DLG2: variants seen among roughly 807,000 people sequenced by gnomAD.
The protein encoded by DLG2 is discs large MAGUK scaffold protein 2.
DLG2 carries 45 observed loss-of-function variants against 132.5 expected under a neutral mutation model. The observed-to-expected ratio is 0.34, with a 90% CI of 0.27 to 0.44. The LOEUF is 0.44. Ranked by LOEUF, DLG2 falls within the 20% of genes least tolerant of loss-of-function variation. The pLI is 1.00. For synonymous variants in DLG2, 424 were observed against 419.6 expected (o/e 1.01, Z -0.13); for missense variants, 1,045 against 1,196.9 (o/e 0.87, Z 1.87).
At chr11:84,558,835 C>A (rs967560265) in intron 6 of DLG2, among the ~76,000 whole-genome samples, 2 of 152,036 alleles carry the variant, frequency 1.3e-5, no homozygotes, top group African/African-American at 4.8e-5. Context: ...TGCATCTATT[C>A]AATTGAAATG....
At chr11:84,486,743 C>A (rs889215530) in intron 7 of DLG2, among the ~76,000 whole-genome samples, 1 of 152,032 alleles carries the variant, frequency 6.6e-6, no homozygotes, top group African/African-American at 2.4e-5. Flanking sequence ...AAATCAGCTA[C>A]CCCAAGACAA....
At chr11:84,560,504 T>A (rs1043050917) in intron 6 of DLG2, among the ~76,000 whole-genome samples, 21 of 152,124 alleles carry the variant, frequency 1.4e-4, no homozygotes, top group Non-Finnish European at 2.9e-4. Context: ...TGGAAAGTAA[T>A]GAATTCTCAG....
At chr11:83,821,250 A>G (rs2050695112) in intron 17 of DLG2, among the ~76,000 whole-genome samples, 1 of 152,194 alleles carries the variant, frequency 6.6e-6, no homozygotes, top group East Asian at 1.9e-4. Context: ...GAAAGAGAGA[A>G]GCAGCTCATG....
chr11:85,195,321 A>G (rs1291119407), intron 4 of DLG2, among the ~76,000 whole-genome samples: 1 of 152,172 alleles, frequency 6.6e-6, no homozygotes, highest in Non-Finnish European at 1.5e-5. Flanking sequence ...AGAAGGCAGC[A>G]TGCATGGATG....
chr11:84,030,378 T>C (rs2095658881), intron 11 of DLG2, among the ~76,000 whole-genome samples: 1 of 152,130 alleles, frequency 6.6e-6, no homozygotes, highest in Non-Finnish European at 1.5e-5. Flanking sequence ...AATTTTCCCA[T>C]ATTCAAAAGC....
intron 8 of DLG2, among the ~76,000 whole-genome samples, chr11:84,241,592 C>A (rs1467739764): frequency 6.6e-6 from 1 of 151,272 alleles, no homozygotes; most frequent in Admixed American, 6.6e-5. Context: ...CCAAGTGATT[C>A]AAAAAGAAGA....
At chr11:84,379,892 A>G (rs1163220558) in intron 7 of DLG2, among the ~76,000 whole-genome samples, 1 of 152,042 alleles carries the variant, frequency 6.6e-6, no homozygotes, top group African/African-American at 2.4e-5. Flanking sequence ...TCAAACCTAG[A>G]CTTACTATAG....
intron 6 of DLG2, among the ~76,000 whole-genome samples, chr11:84,656,555 T>C (rs1209044691): frequency 1.3e-5 from 2 of 152,176 alleles, no homozygotes; most frequent in Non-Finnish European, 2.9e-5. Flanking sequence ...AAATCTAATA[T>C]TCTGCAACTA....
intron 6 of DLG2, among the ~76,000 whole-genome samples, chr11:84,850,178 G>T (rs921343630): frequency 1.3e-5 from 2 of 152,170 alleles, no homozygotes; most frequent in Non-Finnish European, 2.9e-5. Flanking sequence ...ATGTTGCCCT[G>T]TTACTGAATT....
intron 10 of DLG2, among the ~76,000 whole-genome samples, chr11:84,080,426 A>C (rs1465010760): frequency 6.6e-6 from 1 of 152,118 alleles, no homozygotes; most frequent in East Asian, 1.9e-4. Context: ...TTGATGCTGC[A>C]CTCTGAATGC....
intron 6 of DLG2, among the ~76,000 whole-genome samples, chr11:85,068,337 A>G (rs1367073612): frequency 2.6e-5 from 4 of 152,112 alleles, no homozygotes; most frequent in Non-Finnish European, 5.9e-5. Flanking sequence ...AGGGTATTCA[A>G]TTAGGAAAAG....
intron 4 of DLG2, among the ~76,000 whole-genome samples, chr11:85,181,858 G>T (rs780242287): frequency 3.3e-5 from 5 of 151,464 alleles, no homozygotes; most frequent in Admixed American, 6.6e-5. Flanking sequence ...TGTAGCAGGA[G>T]ATCATCGTCC....
intron 14 of DLG2, among the ~76,000 whole-genome samples, chr11:83,958,313 T>C (rs1345080859): frequency 6.6e-6 from 1 of 152,170 alleles, no homozygotes; most frequent in Admixed American, 6.5e-5. Context: ...CTGGTGAATA[T>C]TAGAGTTACA....
intron 18 of DLG2, among the ~76,000 whole-genome samples, chr11:83,668,704 CACATATATATGTGTATATAA>C (rs1566431338): frequency 0.021 from 459 of 22,274 alleles, 2 homozygotes; most frequent in African/African-American, 0.092. Context: ...TGTATATAAA[CACATATATATGTGTATATAA>C]ACACATATAT....
intron 10 of DLG2, among the ~76,000 whole-genome samples, chr11:84,083,464 C>A (rs2154158331): frequency 6.6e-6 from 1 of 152,240 alleles, no homozygotes; most frequent in East Asian, 1.9e-4. Context: ...ATGTGTCCCC[C>A]AAAAGTTCAT....
At chr11:85,151,072 G>A (rs2077218664) in intron 5 of DLG2, among the ~76,000 whole-genome samples, 1 of 152,156 alleles carries the variant, frequency 6.6e-6, no homozygotes, top group African/African-American at 2.4e-5. Flanking sequence ...TAATGGGTGT[G>A]AAATGATTTT....
chr11:83,913,762 T>C (rs190810642), intron 15 of DLG2, among the ~76,000 whole-genome samples: 80 of 152,210 alleles, frequency 5.3e-4, no homozygotes, highest in African/African-American at 1.9e-3. Flanking sequence ...AGCAAGGACC[T>C]CAAAGAAAGG....
chr11:85,060,403 CATT>C (rs1333319701), intron 6 of DLG2, among the ~76,000 whole-genome samples: 9 of 148,870 alleles, frequency 6.0e-5, no homozygotes, highest in Non-Finnish European at 1.0e-4. Context: ...ATATACATAA[CATT>C]ATATATGTGT....
chr11:84,819,024 C>G (rs1259891164), intron 6 of DLG2, among the ~76,000 whole-genome samples: 1 of 150,570 alleles, frequency 6.6e-6, no homozygotes, highest in Non-Finnish European at 1.5e-5. Flanking sequence ...AGGCACTCCA[C>G]CAGGGCCTTT....
Sources: gnomAD v4.1 joint callset for allele counts (sites outside exome capture counted in the v4.1 genomes callset) on GRCh38, gnomAD v4.1.1 for gene constraint, MANE v1.5 for transcripts, NCBI Gene and HGNC (gene_info 2026-07-23, HGNC 2026-07-21) for gene names.